Variants in CYP19A1 observed in about 807,000 individuals in gnomAD.
CYP19A1 encodes the protein aromatase.
Under a neutral mutation model 44.4 loss-of-function variants are expected in CYP19A1, and 32 were observed. The observed-to-expected ratio is 0.72, with a 90% CI of 0.54 to 0.97. CYP19A1 has a LOEUF of 0.97. Ranked by LOEUF, CYP19A1 falls within the 50% of genes least tolerant of loss-of-function variation. CYP19A1 has a pLI of 0.00. For missense variants in CYP19A1, 598 were observed against 637.8 expected, an observed-to-expected ratio of 0.94 and a Z score of 0.67; for synonymous variants, 212 against 215.6, an observed-to-expected ratio of 0.98 and a Z score of 0.14.
At chr15:51,328,587 CAT>C (rs1484649926) in intron 1 of CYP19A1, among the ~76,000 whole-genome samples, 3 of 137,812 alleles carry the variant, frequency 2.2e-5, no homozygotes, top group Non-Finnish European at 4.7e-5. Context: ...TGTGTGTGTA[CAT>C]GTGTGTGTAC....
At chr15:51,264,972 T>G (rs550806988) in intron 1 of CYP19A1, among the ~76,000 whole-genome samples, 1 of 152,192 alleles carries the variant, frequency 6.6e-6, no homozygotes, top group African/African-American at 2.4e-5. Context: ...CAATGTAGGG[T>G]TGGGTCACCA....
intron 1 of CYP19A1, among the ~76,000 whole-genome samples, chr15:51,249,296 T>C (rs559412973): frequency 1.8e-4 from 28 of 152,292 alleles, no homozygotes; most frequent in Admixed American, 1.2e-3. Flanking sequence ...AAAGTCTGAC[T>C]CCTGCTTTAC....
At chr15:51,246,290 G>C (rs1595716434) in intron 1 of CYP19A1, among the ~76,000 whole-genome samples, 1 of 152,078 alleles carries the variant, frequency 6.6e-6, no homozygotes, top group South Asian at 2.1e-4. Flanking sequence ...CATGCACATG[G>C]CCCTCAGGTG....
intron 1 of CYP19A1, among the ~76,000 whole-genome samples, chr15:51,289,694 T>TA (rs1383642300): frequency 6.6e-6 from 1 of 152,242 alleles, no homozygotes; most frequent in African/African-American, 2.4e-5. Flanking sequence ...GCAACCTTGT[T>TA]AATCTTCTCT....
rs774271716 is a variant in CYP19A1 at position 51,227,853 on chromosome 15, C to CA, written c.376_377insT (p.Gly126ValfsTer4). 6.6e-7 allele frequency: 1 copy of CA among 1,519,018 alleles called. No individual in the cohort carries two copies. Among genetic ancestry groups the CA allele is most frequent in the East Asian group, 2.3e-5 (1 of 44,424 alleles). 94.1% of individuals were successfully genotyped at this position (1,519,018 alleles called of 1,614,324 possible). On this transcript the variant is annotated frameshift_variant, in exon 4 of 10. Coordinates refer to ENST00000396402, the MANE Select transcript of CYP19A1 (RefSeq NM_000103.4). LOFTEE classifies it high-confidence loss of function. Reference sequence around the variant, plus strand: ...AAATATGATGCCTTTCTCATGCATACCGATGCACTGCAGCCCAAGTTTGCT... The same window carrying CA: ...AAATATGATGCCTTTCTCATGCATACACGATGCACTGCAGCCCAAGTTTGCT...
At position 51,222,419 on chromosome 15, in the gene CYP19A1, G is replaced by A. The variant is rs767683305; in HGVS notation, c.558C>T (p.Asp186=). 6.8e-6 allele frequency: 11 copies of A among 1,614,050 alleles called. No individual in the cohort carries two copies. Among genetic ancestry groups the A allele is most frequent in the Admixed American group, 3.3e-5 (2 of 60,010 alleles). ...EEVTNESGYV[D]VLTLLRRVML... ...TGACACGACGCAGAAGGGTCAACAC[G>A]TCCACATAGCCCGATTCATTGGTCA... Residue 186 remains aspartate (D), a synonymous_variant, in exon 5 of 10, where the codon GAC becomes GAT. Coordinates refer to ENST00000396402, the MANE Select transcript of CYP19A1 (RefSeq NM_000103.4).
chr15:51,293,747 C>G (rs925939478), intron 1 of CYP19A1: 1 of 161,608 alleles, frequency 6.2e-6, no homozygotes, highest in South Asian at 1.5e-4. Flanking sequence ...TTGGTGGAGA[C>G]GGGGTTCCCC....
chr15:51,218,278 G>C (rs1046573023), intron 6 of CYP19A1, among the ~76,000 whole-genome samples: 1 of 152,120 alleles, frequency 6.6e-6, no homozygotes, highest in African/African-American at 2.4e-5. Context: ...TAGTGTCCTA[G>C]TTACCAAGCT....
At chr15:51,338,346 C>T (rs1043312158) in intron 1 of CYP19A1, 149 bp downstream of exon 1, 4 of 152,214 alleles carry the variant, frequency 2.6e-5, no homozygotes, top group Non-Finnish European at 5.9e-5. Context: ...ACACAGAAGA[C>T]TTCTGCGACC....
chr15:51,312,180 T>C (rs561528462), intron 1 of CYP19A1: 63 of 152,292 alleles, frequency 4.1e-4, no homozygotes, highest in African/African-American at 1.4e-3. Context: ...CTGGAATTCA[T>C]TGGAAAGGAC....
At chr15:51,320,052 C>T (rs990683462) in intron 1 of CYP19A1, among the ~76,000 whole-genome samples, 1 of 152,226 alleles carries the variant, frequency 6.6e-6, no homozygotes, top group Non-Finnish European at 1.5e-5. Flanking sequence ...GATATCATCC[C>T]CTCCTTTCAC....
chr15:51,258,316 T>A, intron 1 of CYP19A1, among the ~76,000 whole-genome samples: 1 of 152,218 alleles, frequency 6.6e-6, no homozygotes, highest in East Asian at 1.9e-4. Flanking sequence ...CCCACAGCAC[T>A]TGTTGTTCTC....
At chr15:51,274,666 A>G (rs1225647282) in intron 1 of CYP19A1, among the ~76,000 whole-genome samples, 1 of 152,234 alleles carries the variant, frequency 6.6e-6, no homozygotes, top group Non-Finnish European at 1.5e-5. Flanking sequence ...ACGATGCTCC[A>G]GGTGTCTGAG....
intron 1 of CYP19A1, among the ~76,000 whole-genome samples, chr15:51,308,111 G>A (rs2036247053): frequency 6.6e-6 from 1 of 152,238 alleles, no homozygotes; most frequent in African/African-American, 2.4e-5. Context: ...AGCTCTGGCT[G>A]CTCTGGGATG....
intron 1 of CYP19A1, among the ~76,000 whole-genome samples, chr15:51,283,373 G>T (rs1394196939): frequency 6.6e-6 from 1 of 152,172 alleles, no homozygotes; most frequent in Admixed American, 6.5e-5. Flanking sequence ...AGCAATTGGT[G>T]GTGCTATACA....
chr15:51,314,535 C>A (rs1173516658), intron 1 of CYP19A1, among the ~76,000 whole-genome samples: 2 of 152,176 alleles, frequency 1.3e-5, no homozygotes, highest in Non-Finnish European at 2.9e-5. Context: ...GTAACACCCC[C>A]TGGAGAATCA....
In CYP19A1 at chr15:51,242,924, T is replaced by C; in HGVS notation, c.-12A>G. ...ATTTCCAAAACCATCTTGTGTTCCT[T>C]GACCTCAGAGGGGGCAATTTAGAGT... is the stretch of plus-strand genomic sequence containing the variant. On this transcript the variant is annotated 5_prime_UTR_variant, in exon 2 of 10. Coordinates refer to ENST00000396402, the MANE Select transcript of CYP19A1 (RefSeq NM_000103.4). 1.2e-6 allele frequency: 2 copies of C among 1,602,960 alleles called. No homozygotes were observed. The highest frequency in any genetic ancestry group is 2.2e-5 in the East Asian group (1 of 44,822).
Position 51,215,736 on chromosome 15 carries a change from A to G in CYP19A1, c.825T>C (p.Cys275=). 6.2e-7 allele frequency: 1 copy of G among 1,614,060 alleles called. No individual in the cohort carries two copies. Among genetic ancestry groups the G allele is most frequent in the Non-Finnish European group, 8.5e-7 (1 of 1,179,960 alleles). Residue 275 remains cysteine (C), a synonymous_variant, in exon 7 of 10, where the codon TGT becomes TGC. Coordinates refer to ENST00000396402, the MANE Select transcript of CYP19A1 (RefSeq NM_000103.4). ...AAATCAACTCAGTGGCAAAGTCCATACATTCTTCCAGTTTCTCTTCTGTGG... is the reference window on the plus strand; with the variant it reads ...AAATCAACTCAGTGGCAAAGTCCATGCATTCTTCCAGTTTCTCTTCTGTGG... ...RISTEEKLEE[C]MDFATELILA...
Position 51,294,470 on chromosome 15 carries a change from C to T in CYP19A1, c.-39+44025G>A, listed in dbSNP as rs1398820673. Among the ~76,000 whole-genome samples the T allele has an allele frequency of 1.3e-4, 16 of 120,664 alleles. 1 individual carries two copies. The South Asian group carries it at 2.2e-3, about 17-fold the overall frequency. 79.2% of individuals were successfully genotyped at this position (120,664 alleles called of 152,430 possible). ...CCGTCTGAGAAGTGAGGAGCCCCTC[C>T]GCCCGGCAGCTGCCCCGTCTGAGAA... is the stretch of plus-strand genomic sequence containing the variant. On this transcript the variant is annotated intron_variant, in intron 1 of 9. Coordinates refer to ENST00000396402, the MANE Select transcript of CYP19A1 (RefSeq NM_000103.4).
Sources: gnomAD v4.1 joint callset for allele counts (sites outside exome capture counted in the v4.1 genomes callset) on GRCh38, gnomAD v4.1.1 for gene constraint, MANE v1.5 for transcripts, NCBI Gene and HGNC (gene_info 2026-07-23, HGNC 2026-07-21) for gene names.